Variants in PCDH15 observed in about 807,000 individuals in gnomAD.
PCDH15 encodes protocadherin related 15.
In PCDH15, 129 loss-of-function variants were observed where a neutral mutation model predicts 178.5. The ratio of observed to expected loss-of-function variants is 0.72; its 90% CI spans 0.63 to 0.84. The LOEUF is 0.84. Ranked by LOEUF, PCDH15 falls within the 40% of genes least tolerant of loss-of-function variation. PCDH15 has a pLI of 0.00. For synonymous variants in PCDH15, 800 were observed against 732.0 expected, an observed-to-expected ratio of 1.09 and a Z score of -1.50; for missense variants, 2,230 against 2,099.9, an observed-to-expected ratio of 1.06 and a Z score of -1.21.
At chr10:54,210,294 G>A (rs910986197) in intron 10 of PCDH15, among the ~76,000 whole-genome samples, 2 of 151,980 alleles carry the variant, frequency 1.3e-5, no homozygotes, top group African/African-American at 4.8e-5. Flanking sequence ...GAGTGAAGAC[G>A]TAGGTACACA....
rs760825170 is a variant in PCDH15 at position 55,088,638 on chromosome 10, CA to C, written c.-80+77937del. Among the ~76,000 whole-genome samples, 3 of 151,950 alleles carry C rather than the reference CA, an allele frequency of 2.0e-5. No individual in the cohort carries two copies. The East Asian group carries it at 5.8e-4, about 30-fold the overall frequency. ...GAGATACTCATGGAACAGATTGCCA[CA>C]AAAGAGCAATGTACAGGTAGAATTT... On this transcript the variant is annotated intron_variant, in intron 2 of 5. Transcript: ENST00000458638.
intron 16 of PCDH15, among the ~76,000 whole-genome samples, chr10:54,086,158 C>T (rs1288939087): frequency 4.6e-5 from 7 of 152,076 alleles, no homozygotes; most frequent in Non-Finnish European, 1.0e-4. Flanking sequence ...ATACTGCCAG[C>T]ATCTGCTTCT....
chr10:54,501,961 G>T (rs2080734177), intron 3 of PCDH15, among the ~76,000 whole-genome samples: 1 of 151,976 alleles, frequency 6.6e-6, no homozygotes, highest in Admixed American at 6.6e-5. Flanking sequence ...ACACATGCTA[G>T]ATTGCTCTTC....
intron 2 of PCDH15, among the ~76,000 whole-genome samples, chr10:55,137,177 T>C (rs1459152807): frequency 6.6e-6 from 1 of 152,188 alleles, no homozygotes; most frequent in Non-Finnish European, 1.5e-5. Flanking sequence ...ATTTCATACA[T>C]TACAATCATG....
In PCDH15 at chr10:54,472,783, G is replaced by C. The variant is rs1457264745; in HGVS notation, c.157+55029C>G. On this transcript the variant is annotated intron_variant, in intron 3 of 37. Coordinates refer to ENST00000644397, the MANE Select transcript of PCDH15 (RefSeq NM_001384140.1). ...GTTTTAGAAAATGGGAGCGAGCCTG[G>C]AAAGGAGTGGACAGGTGTTTATGCA... 2.6e-5 allele frequency among the ~76,000 whole-genome samples: 4 copies of C among 152,268 alleles called. No individual in the cohort carries two copies. The South Asian group carries it at 8.3e-4, about 32-fold the overall frequency.
intron 2 of PCDH15, among the ~76,000 whole-genome samples, chr10:54,639,944 G>A (rs2093953010): frequency 6.6e-6 from 1 of 152,056 alleles, no homozygotes; most frequent in Admixed American, 6.6e-5. Context: ...TTAAAAGCTG[G>A]TCATGGTGGT....
At chr10:53,903,868 G>T (rs1202918432) in intron 25 of PCDH15, among the ~76,000 whole-genome samples, 2 of 152,122 alleles carry the variant, frequency 1.3e-5, no homozygotes, top group East Asian at 3.8e-4. Context: ...AAGTAACAGT[G>T]TTCGGGTGAG....
At chr10:53,968,758 C>T (rs2089332268) in intron 21 of PCDH15, among the ~76,000 whole-genome samples, 1 of 152,160 alleles carries the variant, frequency 6.6e-6, no homozygotes, top group South Asian at 2.1e-4. Flanking sequence ...AGTGGACCTC[C>T]AGCAACTCCA....
intron 5 of PCDH15, 88 bp from the exon 6 acceptor site, chr10:54,346,572 AC>A (rs1232633252): frequency 2.0e-6 from 3 of 1,499,404 alleles, no homozygotes; most frequent in African/African-American, 1.4e-5. Context: ...GCTCTTTATT[AC>A]CTAAAGGAAG....
intron 16 of PCDH15, among the ~76,000 whole-genome samples, chr10:54,080,587 C>T (rs1346305586): frequency 2.0e-5 from 3 of 152,070 alleles, no homozygotes; most frequent in Non-Finnish European, 4.4e-5. Context: ...TTAAACAATT[C>T]ATATCACATA....
intron 25 of PCDH15, among the ~76,000 whole-genome samples, chr10:53,922,855 G>T (rs928253277): frequency 6.6e-6 from 1 of 152,094 alleles, no homozygotes; most frequent in Non-Finnish European, 1.5e-5. Flanking sequence ...GGGAGGCTGG[G>T]GGTGGGTGGA....
intron 2 of PCDH15, among the ~76,000 whole-genome samples, chr10:55,106,214 T>C (rs972771506): frequency 3.9e-5 from 6 of 152,082 alleles, no homozygotes; most frequent in African/African-American, 1.2e-4. Context: ...AAATTAGCCA[T>C]GGTTGGAGTA....
chr10:54,047,647 C>T (rs2093682846), intron 18 of PCDH15, among the ~76,000 whole-genome samples: 2 of 152,008 alleles, frequency 1.3e-5, no homozygotes, highest in South Asian at 4.2e-4. Flanking sequence ...TTCAGTCCCA[C>T]TTACATCTGA....
chr10:54,655,287 AG>A (rs1565866108), intron 2 of PCDH15, among the ~76,000 whole-genome samples: 9 of 129,056 alleles, frequency 7.0e-5, no homozygotes, highest in African/African-American at 2.5e-4. Flanking sequence ...AGAGAGAGAG[AG>A]AGAGAGAGAG....
chr10:54,160,402 A>G (rs911788748), intron 13 of PCDH15, among the ~76,000 whole-genome samples: 5 of 152,192 alleles, frequency 3.3e-5, no homozygotes, highest in African/African-American at 1.2e-4. Context: ...TTTACCTCAC[A>G]GCATATGTAA....
chr10:54,374,504 T>C (rs750497718), intron 4 of PCDH15, among the ~76,000 whole-genome samples: 2 of 152,066 alleles, frequency 1.3e-5, no homozygotes, highest in Non-Finnish European at 2.9e-5. Context: ...CCAATAGTGA[T>C]GAGAGCATTT....
intron 10 of PCDH15, among the ~76,000 whole-genome samples, chr10:54,211,394 TA>T (rs2051408719): frequency 6.6e-6 from 1 of 152,178 alleles, no homozygotes; most frequent in Non-Finnish European, 1.5e-5. Flanking sequence ...AAATTTAGGA[TA>T]GTGTTTTGGA....
intron 15 of PCDH15, among the ~76,000 whole-genome samples, chr10:54,095,396 G>A (rs2094683577): frequency 6.6e-6 from 1 of 151,666 alleles, no homozygotes; most frequent in Non-Finnish European, 1.5e-5. Flanking sequence ...TAAGTAAAAG[G>A]TCAGTTCATT....
At chr10:54,318,557 T>TGAG (rs2061414041) in intron 7 of PCDH15, among the ~76,000 whole-genome samples, 1 of 152,240 alleles carries the variant, frequency 6.6e-6, no homozygotes, top group African/African-American at 2.4e-5. Flanking sequence ...TTTTACTTAA[T>TGAG]GTCAGTTTTC....
Sources: gnomAD v4.1 joint callset for allele counts (sites outside exome capture counted in the v4.1 genomes callset) on GRCh38, gnomAD v4.1.1 for gene constraint, MANE v1.5 for transcripts, NCBI Gene and HGNC (gene_info 2026-07-23, HGNC 2026-07-21) for gene names.